Variants in ACLY observed in about 807,000 individuals in gnomAD.
ACLY encodes ATP citrate lyase, also known as ATP-citrate synthase.
In ACLY, 41 loss-of-function variants were observed where a neutral mutation model predicts 133.0. That is an observed-to-expected ratio of 0.31 (90% CI 0.24 to 0.40). The LOEUF (loss-of-function observed/expected upper bound fraction) is 0.40. ACLY is among the 10% of genes least tolerant of loss of function. The pLI is 1.00. For synonymous variants in ACLY, 495 were observed against 549.3 expected (o/e 0.90, Z 1.38); for missense variants, 1,046 against 1,453.8 (o/e 0.72, Z 4.56).
At chr17:41,871,911 A>G in intron 24 of ACLY, 79 bp from the exon 25 acceptor site, 1 of 1,599,206 alleles carries the variant, frequency 6.3e-7, no homozygotes, top group Non-Finnish European at 8.5e-7. Flanking sequence ...GTGTGTCCCG[A>G]ACGGCCCTGA....
intron 2 of ACLY, 53 bp from the exon 3 acceptor site, chr17:41,912,595 G>A: frequency 1.2e-6 from 2 of 1,608,346 alleles, no homozygotes; most frequent in East Asian, 2.2e-5. Context: ...ATAAACCGTA[G>A]TATTTTGGGG....
chr17:41,886,039 C>T, intron 18 of ACLY, 73 bp downstream of exon 18: 1 of 1,467,892 alleles, frequency 6.8e-7, no homozygotes, highest in East Asian at 2.3e-5. Flanking sequence ...AAGCAGCCTG[C>T]AGGACACAGC....
Position 41,896,611 on chromosome 17 carries a change from G to A in ACLY, c.1459+9C>T, listed in dbSNP as rs1555630435. 21 of 1,557,418 alleles carry A rather than the reference G, an allele frequency of 1.3e-5. No homozygotes were observed. The highest frequency in any genetic ancestry group is 1.7e-5 in the Non-Finnish European group (20 of 1,150,924). ...CACGCGGAGTGGGGGCAGGGTGGGGGCATCCTACCTTGCAGGGATCTTGGA... is the reference window on the plus strand; with the variant it reads ...CACGCGGAGTGGGGGCAGGGTGGGGACATCCTACCTTGCAGGGATCTTGGA... On this transcript the variant is annotated intron_variant, in intron 14 of 28. Coordinates refer to ENST00000352035, the MANE Select transcript of ACLY (RefSeq NM_001096.3).
chr17:41,881,394 G>C (rs1486931134), intron 20 of ACLY, among the ~76,000 whole-genome samples: 1 of 128,776 alleles, frequency 7.8e-6, no homozygotes. Flanking sequence ...CTGCACTCCA[G>C]CCTAGGCGAG....
Position 41,909,401 on chromosome 17 carries a change from A to G in ACLY, c.536+109T>C. 3 of 1,242,060 alleles carry G rather than the reference A, an allele frequency of 2.4e-6. No homozygotes were observed. The South Asian group carries it at 4.2e-5, about 17-fold the overall frequency. The allele number at this position is 1,242,060 out of a possible 1,614,324, so 76.9% of individuals were successfully genotyped here. On this transcript the variant is annotated intron_variant, in intron 5 of 28. Coordinates refer to ENST00000352035, the MANE Select transcript of ACLY (RefSeq NM_001096.3). ...TCTTCCTCAGGACAGGGCCGTGTCTACCACCTGGCTCCCAGAGAGGAGACC... is the reference window on the plus strand; with the variant it reads ...TCTTCCTCAGGACAGGGCCGTGTCTGCCACCTGGCTCCCAGAGAGGAGACC...
intron 22 of ACLY, among the ~76,000 whole-genome samples, chr17:41,875,783 A>T (rs370013880): frequency 6.6e-6 from 1 of 152,058 alleles, no homozygotes; most frequent in Non-Finnish European, 1.5e-5. Flanking sequence ...GCGTGATCTC[A>T]GCTCGCTACA....
intron 14 of ACLY, 42 bp from the exon 15 acceptor site, chr17:41,893,216 C>A: frequency 6.3e-7 from 1 of 1,583,482 alleles, no homozygotes; most frequent in Non-Finnish European, 8.6e-7. Context: ...GAACACATAC[C>A]CCCAGGAGAC....
chr17:41,928,419 G>A (rs1322934763), intron 1 of ACLY, among the ~76,000 whole-genome samples: 2 of 151,982 alleles, frequency 1.3e-5, no homozygotes, highest in Non-Finnish European at 2.9e-5. Flanking sequence ...TACCATTACC[G>A]TAGCTTTAAA....
intron 7 of ACLY, 113 bp downstream of exon 7, chr17:41,907,329 C>T: frequency 6.6e-6 from 4 of 604,766 alleles, no homozygotes; most frequent in South Asian, 2.3e-5. Flanking sequence ...TCTCAGTCTT[C>T]CTTTCCCTGC....
intron 1 of ACLY, among the ~76,000 whole-genome samples, chr17:41,917,832 T>C (rs901895461): frequency 6.6e-6 from 1 of 152,012 alleles, no homozygotes; most frequent in Admixed American, 6.6e-5. Flanking sequence ...TAGGAAGGTT[T>C]CTAAGAGGTG....
In ACLY at chr17:41,912,472, G is replaced by A. The variant is rs1157547570; in HGVS notation, c.230C>T (p.Thr77Ile). The A allele has an allele frequency of 9.3e-6, 15 of 1,614,120 alleles. No individual in the cohort carries two copies. The Admixed American group carries it at 2.5e-4, about 27-fold the overall frequency. Residue 77 changes from threonine to isoleucine, a missense_variant, in exon 3 of 29, where the codon ACT becomes ATT. Physicochemically the swap from Thr to Ile is moderately conservative, Grantham distance 89 (BLOSUM62 -1). Transcript: ENST00000352035. ...GKLGLVGVNL[T>I]LDGVKSWLKP... ...CAGCCAGGACTTGACCCCATCCAGA[G>A]TGAGGTTGACCCCAACGAGACCAAG...
At chr17:41,898,825 C>G in intron 11 of ACLY, 40 bp from the exon 12 acceptor site, 1 of 1,589,230 alleles carries the variant, frequency 6.3e-7, no homozygotes, top group Non-Finnish European at 8.6e-7. Context: ...TTCAAGTCTG[C>G]AGATAAGGGC....
intron 1 of ACLY, among the ~76,000 whole-genome samples, chr17:41,928,878 G>A (rs1450109679): frequency 6.6e-6 from 1 of 150,850 alleles, no homozygotes; most frequent in East Asian, 1.9e-4. Flanking sequence ...AAAGCTGCTG[G>A]AGTTCTGATT....
chr17:41,921,932 G>C (rs1391793888), upstream of ACLY, among the ~76,000 whole-genome samples: 1 of 151,930 alleles, frequency 6.6e-6, no homozygotes, highest in Non-Finnish European at 1.5e-5. Context: ...ACGGTGGCTC[G>C]AGCCTGTAAT....
rs2048599479 is a variant in ACLY at position 41,871,593 on chromosome 17, G to A, written c.2937+96C>T. 8 of 1,475,484 alleles carry A rather than the reference G, an allele frequency of 5.4e-6. No individual in the cohort carries two copies. In the South Asian group the frequency reaches 9.6e-5, roughly 18 times the overall value. 91.4% of individuals were successfully genotyped at this position (1,475,484 alleles called of 1,614,324 possible). ...TGGTCTCCAACTCCCGACCTCAAGTGATCCACCTGCCTTGGCCTCCCAAAG... is the reference window on the plus strand; with the variant it reads ...TGGTCTCCAACTCCCGACCTCAAGTAATCCACCTGCCTTGGCCTCCCAAAG... On this transcript the variant is annotated intron_variant, in intron 25 of 28. Coordinates refer to ENST00000352035, the MANE Select transcript of ACLY (RefSeq NM_001096.3).
chr17:41,895,644 G>A (rs2049344664), intron 14 of ACLY, among the ~76,000 whole-genome samples: 1 of 152,210 alleles, frequency 6.6e-6, no homozygotes, highest in Non-Finnish European at 1.5e-5. Flanking sequence ...CCCCTTCAGA[G>A]CACAGAGAGC....
rs538785849 is a variant in ACLY at position 41,886,200 on chromosome 17, G to A, written c.1984C>T (p.Arg662Cys). ...AGCTCGTTGGACATGCCTCCGGAACGTGAGACATAGGCCACGCTGCCTGGG... is the reference window on the plus strand; with the variant it reads ...AGCTCGTTGGACATGCCTCCGGAACATGAGACATAGGCCACGCTGCCTGGG... The part of the protein sequence containing the change: ...YRPGSVAYVS[R>C]SGGMSNELNN... The change falls in exon 18 of 29, where the codon CGT becomes TGT. Residue 662 changes from arginine to cysteine, a missense_variant. Physicochemically the swap from Arg to Cys is radical, Grantham distance 180 (BLOSUM62 -3). Transcript: ENST00000352035. 7.4e-6 allele frequency: 12 copies of A among 1,614,212 alleles called. No homozygotes were observed. Among genetic ancestry groups the A allele is most frequent in the East Asian group, 2.2e-5 (1 of 44,888 alleles).
chr17:41,909,100 T>C, intron 5 of ACLY, 32 bp from the exon 6 acceptor site: 1 of 1,567,374 alleles, frequency 6.4e-7, no homozygotes, highest in Admixed American at 1.7e-5. Flanking sequence ...GGACAGTTCA[T>C]CCATCAGGGA....
rs372005259 is a variant in ACLY, at chr17:41,874,429, G to A, written c.2488-464C>T. On this transcript the variant is annotated intron_variant, in intron 22 of 28. Transcript: ENST00000352035. ...GGGGCAACAAGGCACGCACCGCCAC[G>A]CCTGGCTAATTTTAAAATTTTTTTG... Among the ~76,000 whole-genome samples, 15 of 152,016 alleles carry A rather than the reference G, an allele frequency of 9.9e-5. No individual in the cohort carries two copies. The East Asian group carries it at 2.3e-3, about 24-fold the overall frequency.
Sources: allele counts gnomAD v4.1 joint callset (sites outside exome capture counted in the v4.1 genomes callset), GRCh38; gene constraint gnomAD v4.1.1; transcripts MANE v1.5; gene names NCBI Gene and HGNC (gene_info 2026-07-23, HGNC 2026-07-21).